Variants in MDM4 observed in about 807,000 individuals in gnomAD.
MDM4 encodes protein Mdm4.
MDM4 carries 2 observed loss-of-function variants against 60.2 expected under a neutral mutation model. That is an observed-to-expected ratio of 0.03 (90% CI 0.01 to 0.10). MDM4 has a LOEUF of 0.10. MDM4 is among the 10% of genes least tolerant of loss of function. The pLI is 1.00. For synonymous variants in MDM4, 202 were observed against 198.1 expected (o/e 1.02, Z -0.17); for missense variants, 447 against 577.5 (o/e 0.77, Z 2.32).
chr1:204,531,533 A>C (rs1024984115), intron 4 of MDM4, among the ~76,000 whole-genome samples: 2 of 152,192 alleles, frequency 1.3e-5, no homozygotes, highest in Non-Finnish European at 2.9e-5. Flanking sequence ...TCTGTCTTAC[A>C]CTAAGACTTC....
chr1:204,532,310 G>A (rs1222826972), intron 5 of MDM4, 64 bp downstream of exon 5: 10 of 1,028,970 alleles, frequency 9.7e-6, no homozygotes, highest in Non-Finnish European at 1.5e-5. Context: ...CAAATGATGG[G>A]AAAACAAAGA....
chr1:204,543,023 A>T, intron 8 of MDM4, 79 bp downstream of exon 8: 1 of 1,208,698 alleles, frequency 8.3e-7, no homozygotes, highest in Non-Finnish European at 1.2e-6. Flanking sequence ...ACCACACATT[A>T]TATTCTCTAA....
intron 2 of MDM4, 35 bp downstream of exon 2, chr1:204,525,631 T>G (rs2102315420): frequency 2.9e-6 from 4 of 1,394,346 alleles, no homozygotes; most frequent in Non-Finnish European, 4.0e-6. Flanking sequence ...TTTTTTGGTT[T>G]TTTTTTTTTT....
chr1:204,534,802 T>G (rs1426620214), intron 5 of MDM4, among the ~76,000 whole-genome samples: 1 of 152,100 alleles, frequency 6.6e-6, no homozygotes, highest in Non-Finnish European at 1.5e-5. Context: ...CATTTTTATT[T>G]TTTAACTTGT....
intron 7 of MDM4, among the ~76,000 whole-genome samples, chr1:204,541,124 A>G (rs1433651038): frequency 6.6e-6 from 1 of 152,160 alleles, no homozygotes; most frequent in African/African-American, 2.4e-5. Context: ...TTTGTACTCA[A>G]AAGGCAATTT....
At chr1:204,523,400 G>T (rs1318446098) in intron 1 of MDM4, among the ~76,000 whole-genome samples, 2 of 148,954 alleles carry the variant, frequency 1.3e-5, no homozygotes, top group Admixed American at 6.6e-5. Context: ...CCAGGAGGCG[G>T]AGCTTGCAGT....
intron 6 of MDM4, 99 bp from the exon 7 acceptor site, chr1:204,538,110 A>G (rs1661603061): frequency 1.3e-6 from 1 of 775,232 alleles, no homozygotes; most frequent in Non-Finnish European, 2.4e-6. Context: ...TGTGTAACCC[A>G]TTGTGTTGCA....
intron 1 of MDM4, among the ~76,000 whole-genome samples, chr1:204,517,578 T>C (rs560051649): frequency 6.6e-6 from 1 of 151,892 alleles, no homozygotes; most frequent in Non-Finnish European, 1.5e-5. Flanking sequence ...TAATTTTGTG[T>C]TTTATTAGAG....
chr1:204,548,887 A>G (rs1413473888), intron 10 of MDM4, among the ~76,000 whole-genome samples: 1 of 152,140 alleles, frequency 6.6e-6, no homozygotes, highest in African/African-American at 2.4e-5. Context: ...ACTTTCTTAA[A>G]GATAACTATA....
intron 1 of MDM4, among the ~76,000 whole-genome samples, chr1:204,523,315 A>G (rs1045755797): frequency 1.3e-5 from 2 of 148,950 alleles, no homozygotes; most frequent in Non-Finnish European, 3.0e-5. Flanking sequence ...TAAATACACA[A>G]AATTAGCTGG....
intron 5 of MDM4, chr1:204,532,904 AT>A (rs1661016152): frequency 9.2e-6 from 14 of 1,517,892 alleles, no homozygotes; most frequent in Admixed American, 2.0e-5. Flanking sequence ...TCAAGTTTAA[AT>A]TTTTTGCCAA....
In MDM4 at chr1:204,549,593, C is replaced by T. The variant is rs1663007609; in HGVS notation, c.1384C>T (p.His462Tyr). The T allele has an allele frequency of 6.2e-7, 1 of 1,612,898 alleles. No individual in the cohort carries two copies. The highest frequency in any genetic ancestry group is 8.5e-7 in the Non-Finnish European group (1 of 1,179,760). Reference sequence around the variant, plus strand: ...GACGGGCCATCTTGTCACTTGTTTTCACTGTGCCAGAAGACTAAAGAAGGC... The same window carrying T: ...GACGGGCCATCTTGTCACTTGTTTTTACTGTGCCAGAAGACTAAAGAAGGC... ...GRTGHLVTCF[H>Y]CARRLKKAGA... The change falls in exon 11 of 11, where the codon CAC (histidine) becomes TAC (tyrosine). Residue 462 changes from histidine (H) to tyrosine (Y), a missense_variant. Transcript: ENST00000367182.
Position 204,554,367 on chromosome 1 carries a change from A to G in MDM4, c.*4685A>G, listed in dbSNP as rs756415588. 5 of 225,546 alleles carry G rather than the reference A, an allele frequency of 2.2e-5. No individual in the cohort carries two copies. Among genetic ancestry groups the G allele is most frequent in the South Asian group, 1.8e-4 (1 of 5,456 alleles). 14.0% of individuals were successfully genotyped at this position (225,546 alleles called of 1,614,324 possible). A position where few individuals can be genotyped will look rare whatever the true frequency, so the allele number is the denominator to read the frequency against. On this transcript the variant is annotated 3_prime_UTR_variant, in exon 11 of 11. Coordinates refer to ENST00000367182, the MANE Select transcript of MDM4 (RefSeq NM_002393.5). Reference sequence around the variant, plus strand: ...GTTCAGAACTATATCCTAACGAGCAATTAGTTCTGATGGTTCTCCCAGTCA... The same window carrying G: ...GTTCAGAACTATATCCTAACGAGCAGTTAGTTCTGATGGTTCTCCCAGTCA...
intron 1 of MDM4, among the ~76,000 whole-genome samples, chr1:204,517,196 C>G (rs1381330971): frequency 6.6e-6 from 1 of 150,698 alleles, no homozygotes; most frequent in Non-Finnish European, 1.5e-5. Flanking sequence ...GAGTCGAGAT[C>G]GCGCCACTGC....
In MDM4 at chr1:204,549,845, A is replaced by G; in HGVS notation, c.*163A>G. The G allele has an allele frequency of 1.9e-6, 1 of 530,910 alleles. No individual in the cohort carries two copies. The allele number at this position is 530,910 out of a possible 1,614,324, so 32.9% of individuals were successfully genotyped here. On this transcript the variant is annotated 3_prime_UTR_variant, in exon 11 of 11. Transcript: ENST00000367182. Reference sequence around the variant, plus strand: ...TACTGGAGCTAACAATGAAGAACAGAAGTAATCTGATTAGTCAAATTATTA... The same window carrying G: ...TACTGGAGCTAACAATGAAGAACAGGAGTAATCTGATTAGTCAAATTATTA...
intron 5 of MDM4, among the ~76,000 whole-genome samples, chr1:204,535,556 C>G (rs570878953): frequency 6.7e-6 from 1 of 150,154 alleles, no homozygotes; most frequent in Non-Finnish European, 1.5e-5. Context: ...ATTTTTGAGA[C>G]TGAGTCTCGC....
intron 10 of MDM4, among the ~76,000 whole-genome samples, chr1:204,548,854 A>G (rs1436612499): frequency 1.3e-5 from 2 of 152,216 alleles, no homozygotes; most frequent in African/African-American, 4.8e-5. Flanking sequence ...GAGATGAGGT[A>G]GAAAGCCACC....
intron 1 of MDM4, among the ~76,000 whole-genome samples, chr1:204,521,639 A>C (rs1444110218): frequency 6.6e-6 from 1 of 152,148 alleles, no homozygotes; most frequent in Non-Finnish European, 1.5e-5. Context: ...TGGAATTGTC[A>C]CATTATCACC....
At position 204,525,616 on chromosome 1, in the gene MDM4, T is replaced by C. The variant is rs201940995; in HGVS notation, c.78+20T>C. ...AATCAGGTAAATCATTTTCGGTATT[T>C]CTAGTTTTTTGGTTTTTTTTTTTTT... On this transcript the variant is annotated intron_variant, in intron 2 of 10. Coordinates refer to ENST00000367182, the MANE Select transcript of MDM4 (RefSeq NM_002393.5). 2.8e-4 allele frequency: 417 copies of C among 1,503,764 alleles called. 1 individual carries two copies. Among genetic ancestry groups the C allele is most frequent in the Middle Eastern group, 5.3e-4 (3 of 5,704 alleles). The allele number at this position is 1,503,764 out of a possible 1,614,324, so 93.2% of individuals were successfully genotyped here. A position where few individuals can be genotyped will look rare whatever the true frequency, so the allele number is the denominator to read the frequency against.
Sources: allele counts gnomAD v4.1 joint callset (sites outside exome capture counted in the v4.1 genomes callset), GRCh38; gene constraint gnomAD v4.1.1; transcripts MANE v1.5; gene names NCBI Gene and HGNC (gene_info 2026-07-23, HGNC 2026-07-21).